GRIK1: variants seen among roughly 807,000 people sequenced by gnomAD.
GRIK1 encodes glutamate receptor ionotropic, kainate 1.
GRIK1 carries 69 observed loss-of-function variants against 105.7 expected under a neutral mutation model. That is an observed-to-expected ratio of 0.65 (90% CI 0.54 to 0.80). The LOEUF is 0.80. Among genes scored for constraint, GRIK1 ranks in the 30% least tolerant of loss-of-function variants. The pLI is 0.00. For missense variants in GRIK1, 1,109 were observed against 1,167.3 expected (o/e 0.95, Z 0.73); for synonymous variants, 438 against 431.3 (o/e 1.02, Z -0.19).
chr21:29,725,986 C>T (rs2064448145), intron 1 of GRIK1, among the ~76,000 whole-genome samples: 1 of 152,064 alleles, frequency 6.6e-6, no homozygotes, highest in Non-Finnish European at 1.5e-5. Flanking sequence ...TTTTAATGCC[C>T]ATTAGAATGA....
intron 1 of GRIK1, among the ~76,000 whole-genome samples, chr21:29,894,183 A>G (rs916209472): frequency 1.3e-5 from 2 of 152,134 alleles, no homozygotes; most frequent in African/African-American, 4.8e-5. Flanking sequence ...GATGGAGTTT[A>G]TTAAGGAGAA....
intron 10 of GRIK1, 90 bp downstream of exon 10, chr21:29,591,022 C>T (rs561907690): frequency 5.3e-5 from 42 of 786,886 alleles, no homozygotes; most frequent in South Asian, 3.0e-4. Flanking sequence ...CAGACAGAAG[C>T]GTTGGCATGA....
chr21:29,799,589 G>A (rs2066649141), intron 1 of GRIK1, among the ~76,000 whole-genome samples: 2 of 152,188 alleles, frequency 1.3e-5, no homozygotes, highest in African/African-American at 2.4e-5. Flanking sequence ...GAGTGCAGTG[G>A]CACAATCTTG....
At chr21:29,708,375 CA>C (rs1233834405) in intron 1 of GRIK1, among the ~76,000 whole-genome samples, 1 of 152,066 alleles carries the variant, frequency 6.6e-6, no homozygotes, top group African/African-American at 2.4e-5. Context: ...TTTTTTATTG[CA>C]AATGTTTTCT....
chr21:29,907,810 A>G (rs1189845813), intron 1 of GRIK1, among the ~76,000 whole-genome samples: 1 of 152,154 alleles, frequency 6.6e-6, no homozygotes, highest in Non-Finnish European at 1.5e-5. Context: ...AATTTAGTGT[A>G]TAATCGTGCT....
At chr21:29,876,635 T>C (rs2069201687) in intron 1 of GRIK1, among the ~76,000 whole-genome samples, 1 of 152,214 alleles carries the variant, frequency 6.6e-6, no homozygotes, top group Non-Finnish European at 1.5e-5. Context: ...GTTATCCTAG[T>C]GCTATTAAAT....
chr21:29,867,267 A>G (rs1444220378), intron 1 of GRIK1, among the ~76,000 whole-genome samples: 2 of 152,144 alleles, frequency 1.3e-5, no homozygotes, highest in Admixed American at 6.6e-5. Context: ...AAGCTGTTTC[A>G]CAATGAAAGC....
At chr21:29,801,730 C>A (rs2066716227) in intron 1 of GRIK1, among the ~76,000 whole-genome samples, 1 of 152,092 alleles carries the variant, frequency 6.6e-6, no homozygotes, top group African/African-American at 2.4e-5. Context: ...CTTTATAAAA[C>A]AATTCTCAAT....
chr21:29,625,945 A>G (rs1342740391), intron 7 of GRIK1, among the ~76,000 whole-genome samples: 1 of 152,124 alleles, frequency 6.6e-6, no homozygotes, highest in Non-Finnish European at 1.5e-5. Flanking sequence ...TGTATGTTGA[A>G]GCCCTAACCC....
intron 1 of GRIK1, among the ~76,000 whole-genome samples, chr21:29,728,692 G>T (rs1306675752): frequency 6.6e-6 from 1 of 152,184 alleles, no homozygotes; most frequent in African/African-American, 2.4e-5. Flanking sequence ...GCTAGGCACT[G>T]CTCTGGGCCC....
chr21:29,896,769 C>T (rs991966427), intron 1 of GRIK1, among the ~76,000 whole-genome samples: 11 of 152,168 alleles, frequency 7.2e-5, no homozygotes, highest in Non-Finnish European at 2.9e-5. Flanking sequence ...ACTTGGGTCA[C>T]TATTGGTGAT....
chr21:29,862,140 C>T (rs2068663024), intron 1 of GRIK1, among the ~76,000 whole-genome samples: 1 of 152,124 alleles, frequency 6.6e-6, no homozygotes, highest in East Asian at 1.9e-4. Flanking sequence ...GTGTGCACCA[C>T]CAGGCCTGGC....
rs2066238875 is a variant in GRIK1 at position 29,785,596 on chromosome 21, AC to A, written c.119-91534del. Among the ~76,000 whole-genome samples, 3 of 151,016 alleles carry A rather than the reference AC, an allele frequency of 2.0e-5. No homozygotes were observed. In the South Asian group the frequency reaches 6.3e-4, roughly 32 times the overall value. On this transcript the variant is annotated intron_variant, in intron 1 of 17. Coordinates refer to ENST00000327783, the MANE Select transcript of GRIK1 (RefSeq NM_001330994.2). Reference sequence around the variant, plus strand: ...AAAAAAAAAAAAAAGCCCCCGAAAAACCCATTACTTCATTTTTGTTCATATA... The same window carrying A: ...AAAAAAAAAAAAAAGCCCCCGAAAAACCATTACTTCATTTTTGTTCATATA...
chr21:29,883,398 G>T (rs933061897), intron 1 of GRIK1, among the ~76,000 whole-genome samples: 25 of 151,988 alleles, frequency 1.6e-4, no homozygotes, highest in Non-Finnish European at 3.5e-4. Flanking sequence ...ATTTGCAATG[G>T]TTTTACTTCA....
intron 1 of GRIK1, among the ~76,000 whole-genome samples, chr21:29,701,646 T>C (rs753762046): frequency 6.6e-6 from 1 of 152,172 alleles, no homozygotes; most frequent in African/African-American, 2.4e-5. Flanking sequence ...AGAATCAAGC[T>C]GACTTTTGTA....
intron 1 of GRIK1, among the ~76,000 whole-genome samples, chr21:29,770,442 T>C (rs1255557449): frequency 6.6e-6 from 1 of 152,198 alleles, no homozygotes; most frequent in Non-Finnish European, 1.5e-5. Context: ...TTGTCAGCAC[T>C]TGTGGGATTG....
intron 7 of GRIK1, among the ~76,000 whole-genome samples, chr21:29,642,408 T>A (rs1172839152): frequency 6.6e-6 from 1 of 152,230 alleles, no homozygotes; most frequent in Non-Finnish European, 1.5e-5. Flanking sequence ...CTCAGTCCTG[T>A]ACAGCCTGAG....
chr21:29,879,504 A>G (rs73900264), intron 1 of GRIK1, among the ~76,000 whole-genome samples: 1,595 of 152,182 alleles, frequency 0.01, 26 homozygotes, highest in African/African-American at 0.036. Flanking sequence ...GTACCTAAGT[A>G]TATCTGACCA....
At chr21:29,934,986 T>C (rs932775825) in intron 1 of GRIK1, among the ~76,000 whole-genome samples, 17 of 152,084 alleles carry the variant, frequency 1.1e-4, no homozygotes, top group Admixed American at 3.3e-4. Context: ...CCAGCACCCA[T>C]TGGAGTTTTC....
Sources: gnomAD v4.1 joint callset for allele counts (sites outside exome capture counted in the v4.1 genomes callset) on GRCh38, gnomAD v4.1.1 for gene constraint, MANE v1.5 for transcripts, NCBI Gene and HGNC (gene_info 2026-07-23, HGNC 2026-07-21) for gene names.